The following ALK variants were observed in gnomAD, a reference collection of about 807,000 sequenced individuals.
ALK encodes the protein ALK tyrosine kinase receptor.
Under a neutral mutation model 163.1 loss-of-function variants are expected in ALK, and 74 were observed. The ratio of observed to expected loss-of-function variants is 0.45; its 90% confidence interval spans 0.38 to 0.55. The LOEUF is 0.55. ALK is among the 20% of genes least tolerant of loss of function. The probability of loss-of-function intolerance (pLI) is 0.00; values close to 1 mark genes in which losing one functional copy is unlikely to be tolerated. For synonymous variants in ALK, 960 were observed against 843.2 expected (o/e 1.14, Z -2.40); for missense variants, 2,063 against 2,105.3 (o/e 0.98, Z 0.39).
At chr2:29,406,350 C>T (rs1327114002) in intron 4 of ALK, among the ~76,000 whole-genome samples, 1 of 152,156 alleles carries the variant, frequency 6.6e-6, no homozygotes, top group African/African-American at 2.4e-5. Context: ...CCATTTCTTC[C>T]TCCAGGAACC....
At chr2:29,516,260 A>G (rs1672660165) in intron 4 of ALK, among the ~76,000 whole-genome samples, 1 of 152,194 alleles carries the variant, frequency 6.6e-6, no homozygotes, top group African/African-American at 2.4e-5. Context: ...GGGAGTATAG[A>G]TCAGACACTG....
intron 4 of ALK, among the ~76,000 whole-genome samples, chr2:29,488,300 C>G (rs1188649398): frequency 6.6e-6 from 1 of 152,220 alleles, no homozygotes; most frequent in East Asian, 1.9e-4. Flanking sequence ...GTGCTTACTT[C>G]TTATTACATA....
intron 3 of ALK, among the ~76,000 whole-genome samples, chr2:29,692,301 A>C (rs757125640): frequency 7.2e-5 from 11 of 152,188 alleles, no homozygotes; most frequent in Non-Finnish European, 1.3e-4. Flanking sequence ...CCACTTTGGA[A>C]AATAGATTGG....
chr2:29,584,913 T>C lies in ALK; in HGVS notation c.953-52797A>G, dbSNP rs560553801. On this transcript the variant is annotated intron_variant, in intron 3 of 28. Transcript: ENST00000389048. ...ACCACATACATTTTTGTTAAGCAGC[T>C]GGTTTGTTTTGCTTTAGCTAAACTG... Among the ~76,000 whole-genome samples the C allele has an allele frequency of 4.0e-4, 61 of 152,348 alleles. No individual in the cohort carries two copies. The South Asian group carries it at 8.1e-3, about 20-fold the overall frequency.
chr2:29,831,179 G>A lies in ALK; in HGVS notation c.667+88814C>T, dbSNP rs1665395045. Among the ~76,000 whole-genome samples the A allele has an allele frequency of 4.9e-5, 2 of 41,134 alleles. 1 individual carries two copies. The highest frequency in any genetic ancestry group is 9.4e-5 in the Non-Finnish European group (2 of 21,318). 27.0% of individuals were successfully genotyped at this position (41,134 alleles called of 152,430 possible). Reference sequence around the variant, plus strand: ...GGAAGAAGGAGAAGAGGAAGAGGAAGGGGAAGGGGAAGGGGAAGGGGAAGG... The same window carrying A: ...GGAAGAAGGAGAAGAGGAAGAGGAAAGGGAAGGGGAAGGGGAAGGGGAAGG... On this transcript the variant is annotated intron_variant, in intron 1 of 28. Transcript: ENST00000389048.
intron 9 of ALK, among the ~76,000 whole-genome samples, chr2:29,296,298 T>A (rs1216109776): frequency 2.0e-5 from 3 of 152,182 alleles, no homozygotes; most frequent in Non-Finnish European, 4.4e-5. Context: ...ATCCTCTTTA[T>A]CAACCTGCCT....
chr2:29,366,550 C>T (rs150617587), intron 5 of ALK, among the ~76,000 whole-genome samples: 3 of 152,088 alleles, frequency 2.0e-5, no homozygotes, highest in African/African-American at 7.2e-5. Flanking sequence ...TGGATGGAGA[C>T]AGAGTGATCT....
At chr2:29,626,054 A>T (rs187135435) in intron 3 of ALK, among the ~76,000 whole-genome samples, 21 of 152,374 alleles carry the variant, frequency 1.4e-4, no homozygotes, top group African/African-American at 4.3e-4. Context: ...AGAACTGAGA[A>T]GCCACACAGG....
chr2:29,511,959 C>G (rs1157303185), intron 4 of ALK, among the ~76,000 whole-genome samples: 5 of 152,046 alleles, frequency 3.3e-5, no homozygotes, highest in Non-Finnish European at 7.4e-5. Context: ...GGTACAAGTT[C>G]TTTTCAGATG....
intron 5 of ALK, among the ~76,000 whole-genome samples, chr2:29,353,581 G>A (rs147014798): frequency 3.3e-5 from 5 of 152,292 alleles, no homozygotes; most frequent in African/African-American, 1.2e-4. Flanking sequence ...GGTGGTGTTG[G>A]AGCTAAAGCC....
chr2:29,271,038 G>A (rs965984091), intron 11 of ALK, among the ~76,000 whole-genome samples: 17 of 152,200 alleles, frequency 1.1e-4, no homozygotes, highest in African/African-American at 4.1e-4. Context: ...ATTCAGGAAC[G>A]GAGTGACTCT....
At chr2:29,615,557 GTTA>G (rs1418640438) in intron 3 of ALK, among the ~76,000 whole-genome samples, 28 of 152,254 alleles carry the variant, frequency 1.8e-4, no homozygotes, top group African/African-American at 6.7e-4. Flanking sequence ...TACATTTAGC[GTTA>G]TTATCAGAGC....
chr2:29,616,186 C>T (rs1456792038), intron 3 of ALK, among the ~76,000 whole-genome samples: 1 of 152,162 alleles, frequency 6.6e-6, no homozygotes, highest in Non-Finnish European at 1.5e-5. Flanking sequence ...GGAGAGGGAG[C>T]TCCTGCTTGG....
At chr2:29,249,075 A>G (rs924225633) in intron 12 of ALK, among the ~76,000 whole-genome samples, 2 of 152,336 alleles carry the variant, frequency 1.3e-5, no homozygotes, top group Admixed American at 1.3e-4. Flanking sequence ...TGCCACTTAC[A>G]GATGGGAAAA....
At chr2:29,571,050 G>A (rs996833357) in intron 3 of ALK, among the ~76,000 whole-genome samples, 1 of 152,158 alleles carries the variant, frequency 6.6e-6, no homozygotes, top group African/African-American at 2.4e-5. Flanking sequence ...TAGACATAAA[G>A]AAACATAGGA....
chr2:29,476,803 A>C (rs752320178), intron 4 of ALK, among the ~76,000 whole-genome samples: 2 of 152,212 alleles, frequency 1.3e-5, no homozygotes, highest in African/African-American at 4.8e-5. Context: ...GTTCGATTCC[A>C]TCCTGGAGCA....
chr2:29,795,450 A>C, intron 1 of ALK, among the ~76,000 whole-genome samples: 1 of 152,132 alleles, frequency 6.6e-6, no homozygotes, highest in Admixed American at 6.5e-5. Flanking sequence ...CTATTTTTTG[A>C]CCCAGTAATT....
chr2:29,732,904 T>G (rs1488888492), intron 1 of ALK, among the ~76,000 whole-genome samples: 1 of 147,838 alleles, frequency 6.8e-6, no homozygotes, highest in Non-Finnish European at 1.5e-5. Flanking sequence ...CTATAGGTTT[T>G]TTTTTTTTTT....
At chr2:29,427,073 A>G (rs558720278) in intron 4 of ALK, among the ~76,000 whole-genome samples, 5 of 144,326 alleles carry the variant, frequency 3.5e-5, no homozygotes, top group Admixed American at 7.1e-5. Flanking sequence ...AAGCTGTTAC[A>G]TAAAAAATAG....
Sources: allele counts gnomAD v4.1 joint callset (sites outside exome capture counted in the v4.1 genomes callset), GRCh38; gene constraint gnomAD v4.1.1; transcripts MANE v1.5; gene names NCBI Gene and HGNC (gene_info 2026-07-23, HGNC 2026-07-21).